CEP128: variants seen among roughly 807,000 people sequenced by gnomAD.
CEP128 encodes centrosomal protein 128.
A neutral mutation model predicts 156.7 loss-of-function variants in CEP128; 132 were observed. The observed-to-expected ratio is 0.84, with a 90% CI of 0.73 to 0.97. CEP128 has a LOEUF of 0.97. Ranked by LOEUF, CEP128 falls within the 50% of genes least tolerant of loss-of-function variation. The pLI, the probability that CEP128 is intolerant of heterozygous loss-of-function variation, is 0.00. For synonymous variants in CEP128, 469 were observed against 448.9 expected, an observed-to-expected ratio of 1.04 and a Z score of -0.57; for missense variants, 1,252 against 1,281.9, an observed-to-expected ratio of 0.98 and a Z score of 0.36.
chr14:80,645,724 A>G (rs1894605079), intron 19 of CEP128, among the ~76,000 whole-genome samples: 1 of 152,150 alleles, frequency 6.6e-6, no homozygotes, highest in African/African-American at 2.4e-5. Flanking sequence ...CTTGATATTT[A>G]CCCAAATGAA....
At chr14:80,770,605 T>G (rs1434100415) in intron 16 of CEP128, among the ~76,000 whole-genome samples, 3 of 152,214 alleles carry the variant, frequency 2.0e-5, no homozygotes, top group Non-Finnish European at 1.5e-5. Context: ...ATCATTTGCC[T>G]TCAACCATTT....
At chr14:80,758,034 T>G (rs1022232078) in intron 17 of CEP128, among the ~76,000 whole-genome samples, 1 of 152,354 alleles carries the variant, frequency 6.6e-6, no homozygotes, top group Non-Finnish European at 1.5e-5. Context: ...TACATCCATT[T>G]GTCATTGATT....
intron 19 of CEP128, among the ~76,000 whole-genome samples, chr14:80,674,379 C>T (rs753654395): frequency 3.3e-5 from 5 of 152,110 alleles, no homozygotes; most frequent in Admixed American, 6.5e-5. Context: ...TATTATAATG[C>T]TTTTCCATTT....
At position 80,563,524 on chromosome 14, in the gene CEP128, C is replaced by CTTTTTTTTTTTTTTTTT. The variant is rs540593415; in HGVS notation, c.2857-4239_2857-4223dup. Among the ~76,000 whole-genome samples, 59 of 78,876 alleles carry CTTTTTTTTTTTTTTTTT rather than the reference C, an allele frequency of 7.5e-4. 5 individuals carry two copies. The highest frequency in any genetic ancestry group is 1.0e-3 in the African/African-American group (17 of 16,976). 51.7% of individuals were successfully genotyped at this position (78,876 alleles called of 152,430 possible). A position where few individuals can be genotyped will look rare whatever the true frequency, so the allele number is the denominator to read the frequency against. On this transcript the variant is annotated intron_variant, in intron 20 of 24. Coordinates refer to ENST00000555265, the MANE Select transcript of CEP128 (RefSeq NM_152446.5). ...GAAGCCTACCCATGGGCCTCCAAAT[C>CTTTTTTTTTTTTTTTTT]TTTTTTTTTTTTTTTTTTTTTTTTT... is the stretch of plus-strand genomic sequence containing the variant.
At chr14:80,784,677 T>A (rs1053464287) in intron 15 of CEP128, among the ~76,000 whole-genome samples, 11 of 152,214 alleles carry the variant, frequency 7.2e-5, no homozygotes, top group African/African-American at 2.7e-4. Flanking sequence ...ACGTTCTTTA[T>A]AAAGGGCTTC....
At chr14:80,602,398 A>G (rs139211960) in intron 19 of CEP128, among the ~76,000 whole-genome samples, 28 of 152,358 alleles carry the variant, frequency 1.8e-4, no homozygotes, top group African/African-American at 6.5e-4. Context: ...TTTACTCAGC[A>G]ACAGCAGAAT....
At chr14:80,652,115 G>A (rs1202918239) in intron 19 of CEP128, among the ~76,000 whole-genome samples, 3 of 151,954 alleles carry the variant, frequency 2.0e-5, no homozygotes, top group Non-Finnish European at 4.4e-5. Flanking sequence ...TTTAATAAAT[G>A]GTGGTGGGAG....
intron 20 of CEP128, among the ~76,000 whole-genome samples, chr14:80,568,459 A>C (rs557596687): frequency 6.6e-6 from 1 of 152,136 alleles, no homozygotes; most frequent in Admixed American, 6.5e-5. Context: ...ACAGGAACTA[A>C]TGCACAAGGA....
chr14:80,710,137 T>A (rs1028228903), intron 19 of CEP128, among the ~76,000 whole-genome samples: 1 of 152,144 alleles, frequency 6.6e-6, no homozygotes, highest in Non-Finnish European at 1.5e-5. Flanking sequence ...TAAGAACATG[T>A]ATTAACAATC....
chr14:80,861,845 G>A (rs1887528290), intron 9 of CEP128, among the ~76,000 whole-genome samples: 2 of 152,092 alleles, frequency 1.3e-5, no homozygotes, highest in South Asian at 2.1e-4. Flanking sequence ...AAATTATATA[G>A]ATGAAAAATG....
At chr14:80,518,106 C>T (rs1638884462) in intron 23 of CEP128, among the ~76,000 whole-genome samples, 1 of 149,260 alleles carries the variant, frequency 6.7e-6, no homozygotes, top group Non-Finnish European at 1.5e-5. Context: ...GGAGGGGACC[C>T]AAAGGGGGTT....
chr14:80,912,611 T>A (rs1312551374), intron 4 of CEP128, among the ~76,000 whole-genome samples: 2 of 152,138 alleles, frequency 1.3e-5, no homozygotes, highest in East Asian at 3.8e-4. Flanking sequence ...ATTGGTCAAG[T>A]ACATCATAAA....
rs148086023 is a variant in CEP128 at position 80,934,232 on chromosome 14, T to G, written c.-16+5153A>C. ...AAACTGCTTTACAGTACCAGATGGT[T>G]CAGCAAACTATGGCACAGCCAATTT... is the stretch of plus-strand genomic sequence containing the variant. On this transcript the variant is annotated intron_variant, in intron 2 of 24. Coordinates refer to ENST00000555265, the MANE Select transcript of CEP128 (RefSeq NM_152446.5). 7.3e-3 allele frequency among the ~76,000 whole-genome samples: 1,112 copies of G among 152,340 alleles called. 9 individuals are homozygous for G. The highest frequency in any genetic ancestry group is 0.011 in the Non-Finnish European group (761 of 68,040).
chr14:80,723,467 C>T (rs1344082227), intron 19 of CEP128, among the ~76,000 whole-genome samples: 1 of 152,076 alleles, frequency 6.6e-6, no homozygotes, highest in African/African-American at 2.4e-5. Context: ...AGTTATTTGC[C>T]TCAAAAATAA....
chr14:80,897,745 C>T (rs1231178594), intron 7 of CEP128, among the ~76,000 whole-genome samples: 7 of 152,018 alleles, frequency 4.6e-5, no homozygotes, highest in Non-Finnish European at 8.8e-5. Flanking sequence ...CTCTCATATA[C>T]TAGTGCAACA....
At chr14:80,901,769 T>C (rs935809511) in intron 6 of CEP128, among the ~76,000 whole-genome samples, 2 of 152,198 alleles carry the variant, frequency 1.3e-5, no homozygotes, top group Admixed American at 6.5e-5. Context: ...TCTACCTCCT[T>C]CTCTCCAGCT....
chr14:80,954,118 A>C (rs1487609171), intron 2 of CEP128, among the ~76,000 whole-genome samples: 1 of 151,968 alleles, frequency 6.6e-6, no homozygotes. Flanking sequence ...AATTACGAAA[A>C]AATTAGCCGG....
intron 19 of CEP128, among the ~76,000 whole-genome samples, chr14:80,657,206 G>A (rs2596117): frequency 0.16 from 23,779 of 151,574 alleles, 2,145 homozygotes; most frequent in East Asian, 0.33. Context: ...GCAGTGAGCC[G>A]AGATTACGCC....
intron 13 of CEP128, chr14:80,822,854 T>C: frequency 1.5e-6 from 1 of 683,850 alleles, no homozygotes; most frequent in Non-Finnish European, 2.7e-6. Flanking sequence ...TTTGAAATAC[T>C]ATTTTTTATC....
Sources: gnomAD v4.1 joint callset for allele counts (sites outside exome capture counted in the v4.1 genomes callset) on GRCh38, gnomAD v4.1.1 for gene constraint, MANE v1.5 for transcripts, NCBI Gene and HGNC (gene_info 2026-07-23, HGNC 2026-07-21) for gene names.